COLGALT2: variants seen among roughly 807,000 people sequenced by gnomAD.
The protein encoded by COLGALT2 is procollagen galactosyltransferase 2.
In COLGALT2, 49 loss-of-function variants were observed where a neutral mutation model predicts 73.4. The observed-to-expected ratio is 0.67, with a 90% CI of 0.53 to 0.85. The LOEUF is 0.85. Among genes scored for constraint, COLGALT2 ranks in the 40% least tolerant of loss-of-function variants. COLGALT2 has a pLI of 0.00. For synonymous variants in COLGALT2, 295 were observed against 307.6 expected (o/e 0.96, Z 0.43); for missense variants, 722 against 790.2 (o/e 0.91, Z 1.03).
chr1:183,935,651 T>G (rs11800373), downstream of COLGALT2, among the ~76,000 whole-genome samples: 1 of 151,818 alleles, frequency 6.6e-6, no homozygotes, highest in African/African-American at 2.4e-5. Flanking sequence ...ACAGTACCCA[T>G]CAGTTTAAAA....
chr1:183,991,508 CTA>C (rs1671627550), intron 1 of COLGALT2, among the ~76,000 whole-genome samples: 1 of 152,070 alleles, frequency 6.6e-6, no homozygotes, highest in South Asian at 2.1e-4. Context: ...TTGGCCCTGA[CTA>C]AAAAAAAATG....
chr1:183,957,495 C>T (rs1433655656), intron 6 of COLGALT2, among the ~76,000 whole-genome samples: 1 of 152,198 alleles, frequency 6.6e-6, no homozygotes. Flanking sequence ...TCAAATCCTA[C>T]CGCTTCTTCT....
In COLGALT2 at chr1:183,936,884, C is replaced by T. The variant is rs566103113; in HGVS notation, c.*1877G>A. On this transcript the variant is annotated 3_prime_UTR_variant, in exon 12 of 12. Transcript: ENST00000361927. ...CCCACAGTGAGTCGGGAAGGAAGGCCGAGGCTGGCGTCTGGTGGAAGGCAA... is the reference window on the plus strand; with the variant it reads ...CCCACAGTGAGTCGGGAAGGAAGGCTGAGGCTGGCGTCTGGTGGAAGGCAA... 7.7e-5 allele frequency: 95 copies of T among 1,231,716 alleles called. No homozygotes were observed. The highest frequency in any genetic ancestry group is 1.1e-4 in the African/African-American group (7 of 64,506). The allele number at this position is 1,231,716 out of a possible 1,614,324, so 76.3% of individuals were successfully genotyped here.
chr1:183,995,703 A>AT (rs1003245829), intron 1 of COLGALT2, among the ~76,000 whole-genome samples: 4 of 151,110 alleles, frequency 2.6e-5, no homozygotes, highest in African/African-American at 9.7e-5. Context: ...TTTTCTTCAC[A>AT]TTTTTTTCCC....
At chr1:183,995,841 T>C (rs1216074132) in intron 1 of COLGALT2, among the ~76,000 whole-genome samples, 1 of 152,202 alleles carries the variant, frequency 6.6e-6, no homozygotes, top group African/African-American at 2.4e-5. Flanking sequence ...ATTCTCCTTT[T>C]GAATCTTACA....
chr1:184,011,826 GACATA>G (rs1191895533), intron 1 of COLGALT2, among the ~76,000 whole-genome samples: 6 of 152,166 alleles, frequency 3.9e-5, no homozygotes, highest in Non-Finnish European at 8.8e-5. Context: ...CCCAGACTGT[GACATA>G]AACCAATAAT....
intron 1 of COLGALT2, among the ~76,000 whole-genome samples, chr1:184,025,197 C>A (rs1234702930): frequency 6.6e-6 from 1 of 152,226 alleles, no homozygotes; most frequent in African/African-American, 2.4e-5. Flanking sequence ...GGGCTATAAC[C>A]TTCAGTCACC....
intron 6 of COLGALT2, among the ~76,000 whole-genome samples, chr1:183,956,382 T>A (rs1330365043): frequency 1.3e-5 from 2 of 152,224 alleles, no homozygotes; most frequent in Non-Finnish European, 1.5e-5. Context: ...CATGTCTTTG[T>A]CTTCCCAATA....
intron 6 of COLGALT2, among the ~76,000 whole-genome samples, chr1:183,961,529 C>A (rs967129796): frequency 7.9e-5 from 12 of 152,078 alleles, no homozygotes; most frequent in Admixed American, 2.6e-4. Context: ...AATAGCAACA[C>A]CTCATTATTT....
At chr1:183,996,318 GATA>G (rs1396001693) in intron 1 of COLGALT2, among the ~76,000 whole-genome samples, 2 of 152,182 alleles carry the variant, frequency 1.3e-5, no homozygotes, top group African/African-American at 4.8e-5. Flanking sequence ...AAGCTGAAGT[GATA>G]ATGTTTAGAA....
intron 10 of COLGALT2, 59 bp from the exon 11 acceptor site, chr1:183,940,846 T>C (rs112940378): frequency 1.4e-6 from 2 of 1,421,568 alleles, no homozygotes; most frequent in African/African-American, 1.4e-5. Flanking sequence ...ATGATAAGGA[T>C]GAAGCACAGC....
chr1:183,931,810 AAG>A (rs1491018678), downstream of COLGALT2, among the ~76,000 whole-genome samples: 14 of 145,486 alleles, frequency 9.6e-5, no homozygotes, highest in Non-Finnish European at 1.4e-4. Flanking sequence ...AAAAAAAAAA[AAG>A]AAGAAGAAGA....
intron 1 of COLGALT2, among the ~76,000 whole-genome samples, chr1:184,000,247 T>A (rs923747863): frequency 1.3e-5 from 2 of 152,120 alleles, no homozygotes; most frequent in African/African-American, 4.8e-5. Context: ...TTGTAAAAGG[T>A]CCATGTGTGT....
At chr1:183,982,003 AAACTAGCCT>A (rs1268844527) in intron 1 of COLGALT2, among the ~76,000 whole-genome samples, 1 of 151,732 alleles carries the variant, frequency 6.6e-6, no homozygotes, top group African/African-American at 2.4e-5. Context: ...ACTTAAATTA[AAACTAGCCT>A]ACTTAAAAAC....
intron 1 of COLGALT2, among the ~76,000 whole-genome samples, chr1:184,026,158 G>C (rs1389008268): frequency 6.6e-6 from 1 of 152,120 alleles, no homozygotes; most frequent in Non-Finnish European, 1.5e-5. Flanking sequence ...CACAGATAGC[G>C]TATTTGCACA....
chr1:183,973,600 T>C lies in COLGALT2; in HGVS notation c.627+16A>G. 1 of 1,613,806 alleles carries C rather than the reference T, an allele frequency of 6.2e-7. No individual in the cohort carries two copies. Among genetic ancestry groups the C allele is most frequent in the Non-Finnish European group, 8.5e-7 (1 of 1,179,888 alleles). ...TTAAAACTAGTAGCCTTAATTCATTTAAGCAAAAGACTTGCCTTAGGGGTG... is the reference window on the plus strand; with the variant it reads ...TTAAAACTAGTAGCCTTAATTCATTCAAGCAAAAGACTTGCCTTAGGGGTG... On this transcript the variant is annotated intron_variant, in intron 4 of 11. Transcript: ENST00000361927.
chr1:183,951,121 A>G lies in COLGALT2; in HGVS notation c.1030-8T>C, dbSNP rs1314437300. 1 of 1,596,022 alleles carries G rather than the reference A, an allele frequency of 6.3e-7. No individual in the cohort carries two copies. The highest frequency in any genetic ancestry group is 1.3e-5 in the African/African-American group (1 of 74,550). ...GAGGTTTATCATGAAAATCTAATGC[A>G]AGAAGGAAAAGGGAAAAGACACATA... On this transcript the variant is annotated splice_polypyrimidine_tract_variant and splice_region_variant and intron_variant, in intron 7 of 11. Coordinates refer to ENST00000361927, the MANE Select transcript of COLGALT2 (RefSeq NM_015101.4).
In COLGALT2 at chr1:183,936,090, A is replaced by C. The variant is rs923052635; in HGVS notation, c.*2671T>G. On this transcript the variant is annotated 3_prime_UTR_variant, in exon 12 of 12. Transcript: ENST00000361927. ...GCTGATGTCACGGTTGTCTGTCCAGAAGATCCCACGTTAGATCCCAAGAGA... is the reference window on the plus strand; with the variant it reads ...GCTGATGTCACGGTTGTCTGTCCAGCAGATCCCACGTTAGATCCCAAGAGA... The C allele has an allele frequency of 7.1e-5, 70 of 985,444 alleles. No homozygotes were observed. The highest frequency in any genetic ancestry group is 8.1e-5 in the Non-Finnish European group (67 of 830,060). The allele number at this position is 985,444 out of a possible 1,614,324, so 61.0% of individuals were successfully genotyped here.
rs1238180975 is a variant in COLGALT2, at chr1:183,936,148, G to C, written c.*2613C>G. 52 of 985,568 alleles carry C rather than the reference G, an allele frequency of 5.3e-5. No homozygotes were observed. The highest frequency in any genetic ancestry group is 6.0e-5 in the Non-Finnish European group (50 of 830,124). The allele number at this position is 985,568 out of a possible 1,614,324, so 61.1% of individuals were successfully genotyped here. A position where few individuals can be genotyped will look rare whatever the true frequency, so the allele number is the denominator to read the frequency against. On this transcript the variant is annotated 3_prime_UTR_variant, in exon 12 of 12. Transcript: ENST00000361927. The stretch of plus-strand genomic sequence containing the variant: ...ACAGGGTTTAGCCTCCAGAGGCAGA[G>C]AGCGGGTGCCAGGCCCAGATGCAAA...
Sources: gnomAD v4.1 joint callset for allele counts (sites outside exome capture counted in the v4.1 genomes callset) on GRCh38, gnomAD v4.1.1 for gene constraint, MANE v1.5 for transcripts, NCBI Gene and HGNC (gene_info 2026-07-23, HGNC 2026-07-21) for gene names.